The following ARHGEF33 variants were observed in gnomAD, a reference collection of about 807,000 sequenced individuals.
The protein encoded by ARHGEF33 is Rho guanine nucleotide exchange factor 33.
A neutral mutation model predicts 101.9 loss-of-function variants in ARHGEF33; 72 were observed. The ratio of observed to expected loss-of-function variants is 0.71; its 90% CI spans 0.58 to 0.86. The LOEUF is 0.86. Ranked by LOEUF, ARHGEF33 falls within the 40% of genes least tolerant of loss-of-function variation. ARHGEF33 has a pLI of 0.00. For synonymous variants in ARHGEF33, 499 were observed against 442.5 expected (o/e 1.13, Z -1.60); for missense variants, 1,169 against 1,111.3 (o/e 1.05, Z -0.74).
chr2:38,900,734 TG>T (rs1352877969), intron 2 of ARHGEF33, among the ~76,000 whole-genome samples: 1 of 152,054 alleles, frequency 6.6e-6, no homozygotes, highest in Non-Finnish European at 1.5e-5. Context: ...GTTAGTGAGA[TG>T]GGGTTTCTGA....
At chr2:38,921,507 TCACA>T in intron 4 of ARHGEF33, 84 bp downstream of exon 4, 5 of 927,492 alleles carry the variant, frequency 5.4e-6, no homozygotes, top group Non-Finnish European at 8.6e-6. Flanking sequence ...TTTTTAGCAC[TCACA>T]AGTGCTTCCA....
chr2:38,918,731 G>GT (rs1666689977), intron 2 of ARHGEF33, among the ~76,000 whole-genome samples: 1 of 152,120 alleles, frequency 6.6e-6, no homozygotes, highest in Non-Finnish European at 1.5e-5. Flanking sequence ...ATCTGCTTAA[G>GT]TTTTTTCTCC....
chr2:38,898,235 T>A (rs184175473), intron 2 of ARHGEF33, among the ~76,000 whole-genome samples: 2 of 152,206 alleles, frequency 1.3e-5, no homozygotes, highest in African/African-American at 2.4e-5. Context: ...TAAAATCAAA[T>A]GGAATTGATT....
At position 38,931,255 on chromosome 2, in the gene ARHGEF33, C is replaced by G. The variant is rs767260423; in HGVS notation, c.505+4C>G. ...CCTTCTCAGGCCTACGAGAAAGGTACAGTTCACAAATCATACTGAATTAAT... is the reference window on the plus strand; with the variant it reads ...CCTTCTCAGGCCTACGAGAAAGGTAGAGTTCACAAATCATACTGAATTAAT... On this transcript the variant is annotated splice_donor_region_variant and intron_variant, in intron 7 of 17. Coordinates refer to ENST00000409978, the MANE Select transcript of ARHGEF33 (RefSeq NM_001145451.5). 6.5e-6 allele frequency: 10 copies of G among 1,545,412 alleles called. No individual in the cohort carries two copies. In the South Asian group the frequency reaches 9.6e-5, roughly 15 times the overall value.
intron 2 of ARHGEF33, among the ~76,000 whole-genome samples, chr2:38,909,147 G>T (rs1034994766): frequency 1.8e-4 from 28 of 152,140 alleles, no homozygotes; most frequent in African/African-American, 6.8e-4. Flanking sequence ...AGGGGTGATG[G>T]CCTTGTGACC....
chr2:38,897,793 G>T (rs1666153395), intron 2 of ARHGEF33, among the ~76,000 whole-genome samples: 2 of 152,212 alleles, frequency 1.3e-5, no homozygotes, highest in South Asian at 4.1e-4. Flanking sequence ...AGCCAGGGAA[G>T]AATGACATTT....
chr2:38,937,698 G>A (rs1443415156), intron 9 of ARHGEF33, 139 bp downstream of exon 9: 2 of 626,406 alleles, frequency 3.2e-6, no homozygotes, highest in Non-Finnish European at 5.7e-6. Flanking sequence ...CTTTTCAGAT[G>A]AACTAAAGCC....
At chr2:38,923,127 T>C (rs913652454) in intron 4 of ARHGEF33, among the ~76,000 whole-genome samples, 1 of 152,060 alleles carries the variant, frequency 6.6e-6, no homozygotes. Flanking sequence ...GCAGTGGGGG[T>C]GGCCTCATTA....
At chr2:38,942,164 C>CTTTTT (rs35282727) in intron 9 of ARHGEF33, among the ~76,000 whole-genome samples, 82 of 107,296 alleles carry the variant, frequency 7.6e-4, no homozygotes, top group Non-Finnish European at 1.0e-3. Context: ...TCTCTCCTTT[C>CTTTTT]TTTTTTTTTT....
chr2:38,927,587 T>G (rs930674317), intron 4 of ARHGEF33, among the ~76,000 whole-genome samples: 5 of 152,160 alleles, frequency 3.3e-5, no homozygotes, highest in Non-Finnish European at 5.9e-5. Context: ...TCCCAGCTAC[T>G]TGGGAGGCTG....
chr2:38,901,100 C>G (rs748812269), intron 2 of ARHGEF33, among the ~76,000 whole-genome samples: 4 of 152,210 alleles, frequency 2.6e-5, no homozygotes, highest in Non-Finnish European at 5.9e-5. Context: ...CAAACACACA[C>G]ACACACCTGC....
chr2:38,926,071 A>T (rs1018190166), intron 4 of ARHGEF33, among the ~76,000 whole-genome samples: 1 of 151,838 alleles, frequency 6.6e-6, no homozygotes. Context: ...AAGAATTCGG[A>T]CTCCTCTCCC....
intron 2 of ARHGEF33, among the ~76,000 whole-genome samples, chr2:38,896,277 T>C (rs532045969): frequency 1.3e-5 from 2 of 152,284 alleles, no homozygotes; most frequent in African/African-American, 4.8e-5. Flanking sequence ...TAGCTGGGAT[T>C]ACAGGCTCAC....
At chr2:38,898,023 A>G (rs967709820) in intron 2 of ARHGEF33, among the ~76,000 whole-genome samples, 1 of 152,214 alleles carries the variant, frequency 6.6e-6, no homozygotes, top group African/African-American at 2.4e-5. Flanking sequence ...AGGACATTTG[A>G]ACTTCAGGAG....
At chr2:38,963,412 G>A (rs1040816109) in intron 16 of ARHGEF33, among the ~76,000 whole-genome samples, 1 of 152,158 alleles carries the variant, frequency 6.6e-6, no homozygotes, top group African/African-American at 2.4e-5. Context: ...GTGAGAACAC[G>A]TGACTGTCAG....
chr2:38,898,317 G>T (rs146945872), intron 2 of ARHGEF33, among the ~76,000 whole-genome samples: 1 of 152,162 alleles, frequency 6.6e-6, no homozygotes, highest in African/African-American at 2.4e-5. Context: ...AAACGGGTGC[G>T]TGTCAAACAC....
At chr2:38,909,693 G>T (rs1350137708) in intron 2 of ARHGEF33, among the ~76,000 whole-genome samples, 1 of 133,504 alleles carries the variant, frequency 7.5e-6, no homozygotes, top group Non-Finnish European at 1.6e-5. Flanking sequence ...AAATTGCTAT[G>T]TATTCAAGGA....
chr2:38,975,164 G>C lies in ARHGEF33; in HGVS notation c.*1321G>C, dbSNP rs1668249943. 6.6e-6 allele frequency: 1 copy of C among 152,184 alleles called. No homozygotes were observed. The allele number at this position is 152,184 out of a possible 1,614,324, so 9.4% of individuals were successfully genotyped here. On this transcript the variant is annotated 3_prime_UTR_variant, in exon 18 of 18. Transcript: ENST00000409978. ...AGGCAAAGGTTCACATGTAAGTGTT[G>C]CAAGTTTTCTTCTCCTTGTCTGATG...
intron 2 of ARHGEF33, among the ~76,000 whole-genome samples, chr2:38,913,563 C>G (rs930125700): frequency 6.6e-6 from 1 of 152,008 alleles, no homozygotes; most frequent in South Asian, 2.1e-4. Context: ...TCATTTGAGA[C>G]CTGGAGTTTG....
Sources: allele counts gnomAD v4.1 joint callset (sites outside exome capture counted in the v4.1 genomes callset), GRCh38; gene constraint gnomAD v4.1.1; transcripts MANE v1.5; gene names NCBI Gene and HGNC (gene_info 2026-07-23, HGNC 2026-07-21).